The following CD163 variants were observed in gnomAD, a reference collection of about 807,000 sequenced individuals.
CD163 encodes the protein scavenger receptor cysteine-rich type 1 protein M130.
A neutral mutation model predicts 129.2 loss-of-function variants in CD163; 64 were observed. The observed-to-expected ratio is 0.50, with a 90% CI of 0.41 to 0.61. The LOEUF is 0.61. Among genes scored for constraint, CD163 ranks in the 20% least tolerant of loss-of-function variants. CD163 has a pLI of 0.00. For synonymous variants in CD163, 446 were observed against 478.5 expected, an observed-to-expected ratio of 0.93 and a Z score of 0.89; for missense variants, 1,061 against 1,377.9, an observed-to-expected ratio of 0.77 and a Z score of 3.64.
chr12:7,484,992 T>G, intron 11 of CD163, 104 bp downstream of exon 11: 1 of 1,029,918 alleles, frequency 9.7e-7, no homozygotes, highest in South Asian at 1.5e-5. Context: ...AATCTAACAA[T>G]TTAAGCCAGT....
chr12:7,482,830 G>A (rs962889002), intron 13 of CD163, 68 bp from the exon 14 acceptor site: 9 of 1,594,726 alleles, frequency 5.6e-6, no homozygotes, highest in Middle Eastern at 3.3e-4. Flanking sequence ...CCTAGTTACT[G>A]ATTCTCTCTT....
intron 6 of CD163, among the ~76,000 whole-genome samples, chr12:7,490,273 A>T (rs1304630103): frequency 6.6e-6 from 1 of 152,048 alleles, no homozygotes; most frequent in Non-Finnish European, 1.5e-5. Context: ...GAATATGGTC[A>T]CGAAATGCAT....
Position 7,502,518 on chromosome 12 carries a change from C to T in CD163, c.93G>A (p.Val31=). Residue 31 remains valine (V), a synonymous_variant, in exon 2 of 17, where the codon GTG becomes GTA. Coordinates refer to ENST00000432237, the MANE Select transcript of CD163 (RefSeq NM_203416.4). ...FVNLSPFTIT[V]VLLLSACFVT... is the part of the protein sequence containing the mutation. ...CAAAACAGGCACTGAGAAGTAAGAC[C>T]ACAGTAATGGTGAAGGGACTCAAGT... 2 of 1,606,018 alleles carry T rather than the reference C, an allele frequency of 1.2e-6. No homozygotes were observed. Among genetic ancestry groups the T allele is most frequent in the Non-Finnish European group, 1.7e-6 (2 of 1,173,854 alleles).
At chr12:7,494,303 C>T (rs1188184495) in intron 6 of CD163, among the ~76,000 whole-genome samples, 5 of 152,044 alleles carry the variant, frequency 3.3e-5, no homozygotes, top group Non-Finnish European at 5.9e-5. Flanking sequence ...TAAATGATTG[C>T]CTTTTTTCAA....
chr12:7,484,922 C>G (rs1171997000), intron 11 of CD163, among the ~76,000 whole-genome samples, 174 bp downstream of exon 11: 3 of 152,116 alleles, frequency 2.0e-5, no homozygotes, highest in Non-Finnish European at 4.4e-5. Context: ...TAAATAAAAC[C>G]AGTTACACTA....
Position 7,496,877 on chromosome 12 carries a change from A to G in CD163, c.1035T>C (p.Cys345=), listed in dbSNP as rs1211027000. Residue 345 remains cysteine, a synonymous_variant, in exon 5 of 17, where the codon TGT becomes TGC. Coordinates refer to ENST00000432237, the MANE Select transcript of CD163 (RefSeq NM_203416.4). This position sits in a 1 kb window ranked among gnomAD's most constrained non-coding sequence, Gnocchi z 4.8. ...CQGHEPAIWQ[C]KHHEWGKHYC... is the part of the protein sequence containing the mutation. ...AATGCTTTCCCCATTCATGGTGTTT[A>G]CATTGCCAGATAGCAGGTTCATGTC... 8 of 1,614,032 alleles carry G rather than the reference A, an allele frequency of 5.0e-6. No individual in the cohort carries two copies. The East Asian group carries it at 6.7e-5, about 13-fold the overall frequency.
In CD163 at chr12:7,485,997, T is replaced by G. The variant is rs1265337495; in HGVS notation, c.2458+502A>C. On this transcript the variant is annotated intron_variant, in intron 10 of 16. Coordinates refer to ENST00000432237, the MANE Select transcript of CD163 (RefSeq NM_203416.4). The surrounding 1 kb of genome is among the most constrained non-coding windows in gnomAD (Gnocchi z 4.5). ...TAAATTTCAGAATGTTTTCTAAAAC[T>G]CACCATGTATACAAAGCAGTATGAG... Among the ~76,000 whole-genome samples the G allele has an allele frequency of 1.3e-5, 2 of 152,224 alleles. No homozygotes were observed. The highest frequency in any genetic ancestry group is 2.4e-5 in the African/African-American group (1 of 41,464).
rs919570406 is a variant in CD163, at chr12:7,486,667, C to T, written c.2290G>A (p.Glu764Lys). 10 of 1,614,078 alleles carry T rather than the reference C, an allele frequency of 6.2e-6. No homozygotes were observed. Among genetic ancestry groups the T allele is most frequent in the Non-Finnish European group, 7.6e-6 (9 of 1,180,048 alleles). ...HVVCRQLGCG[E>K]AINATGSAHF... Reference sequence around the variant, plus strand: ...GCAGAACCAGTGGCATTAATGGCCTCTCCACAGCCCAGCTGTCTGCAAACC... The same window carrying T: ...GCAGAACCAGTGGCATTAATGGCCTTTCCACAGCCCAGCTGTCTGCAAACC... Residue 764 changes from glutamate (E) to lysine (K), a missense_variant, in exon 10 of 17, where the codon GAG (glutamate) becomes AAG (lysine). Coordinates refer to ENST00000432237, the MANE Select transcript of CD163 (RefSeq NM_203416.4).
chr12:7,477,591 G>A (rs1591992121), intron 16 of CD163, among the ~76,000 whole-genome samples: 1 of 152,052 alleles, frequency 6.6e-6, no homozygotes, highest in Admixed American at 6.6e-5. Flanking sequence ...GCTGCGGGGT[G>A]GGGGCAAGGG....
At chr12:7,480,150 G>A in intron 15 of CD163, 1 of 626,592 alleles carries the variant, frequency 1.6e-6, no homozygotes, top group South Asian at 2.1e-5. Flanking sequence ...TCTTAAATAT[G>A]TTTCCTGACA....
chr12:7,492,895 G>A (rs770977300), intron 6 of CD163, among the ~76,000 whole-genome samples: 136 of 152,234 alleles, frequency 8.9e-4, no homozygotes, highest in Middle Eastern at 3.4e-3. Flanking sequence ...TGAGTCTACC[G>A]GCAAAGACGG....
intron 16 of CD163, among the ~76,000 whole-genome samples, chr12:7,472,852 A>G (rs755294004): frequency 6.6e-6 from 1 of 152,362 alleles, no homozygotes; most frequent in Admixed American, 6.5e-5. Flanking sequence ...ACTGCTAACT[A>G]GAATAACCAG....
At chr12:7,501,049 G>A (rs1949477332) in intron 3 of CD163, 90 bp downstream of exon 3, 3 of 1,060,820 alleles carry the variant, frequency 2.8e-6, no homozygotes, top group Non-Finnish European at 4.2e-6. Flanking sequence ...TTGCTTACAG[G>A]AAAGTGGCTT....
Position 7,487,507 on chromosome 12 carries a change from T to C in CD163, c.1902A>G (p.Gly634=). The C allele has an allele frequency of 8.1e-6, 13 of 1,614,000 alleles. No individual in the cohort carries two copies. Among genetic ancestry groups the C allele is most frequent in the South Asian group, 1.1e-5 (1 of 91,062 alleles). Residue 634 remains glycine, a synonymous_variant, in exon 8 of 17, where the codon GGA becomes GGG. Coordinates refer to ENST00000432237, the MANE Select transcript of CD163 (RefSeq NM_203416.4). The surrounding 1 kb of genome is among the most constrained non-coding windows in gnomAD (Gnocchi z 5.1). ...CATTTCCTTTTCCAAAACGTGCTCCTCCTGGGGTAGAAAGGGCAACTCCAC... is the reference window on the plus strand; with the variant it reads ...CATTTCCTTTTCCAAAACGTGCTCCCCCTGGGGTAGAAAGGGCAACTCCAC... ...LKCGVALSTP[G]GARFGKGNGQ...
In CD163 at chr12:7,483,439, A is replaced by C. The variant is rs748577162; in HGVS notation, c.3016T>G (p.Trp1006Gly). ...CCCCAGCGTCTGGCAGGACAATCCC[A>C]CAAGGAAGACTCATTCCCTTTGCAC... ...VKCKGNESSL[W>G]DCPARRWGHS... is the part of the protein sequence containing the mutation. The change falls in exon 12 of 17, where the codon TGG (tryptophan) becomes GGG (glycine). Residue 1006 changes from tryptophan (W) to glycine (G), a missense_variant. Physicochemically the swap from Trp to Gly is radical, Grantham distance 184. Transcript: ENST00000432237. 6.2e-7 allele frequency: 1 copy of C among 1,614,080 alleles called. No homozygotes were observed. The highest frequency in any genetic ancestry group is 1.7e-5 in the Admixed American group (1 of 60,024).
At chr12:7,483,051 T>C (rs1239990682) in intron 12 of CD163, 47 bp from the exon 13 acceptor site, 2 of 1,577,886 alleles carry the variant, frequency 1.3e-6, no homozygotes, top group Admixed American at 1.7e-5. Context: ...GCATGATATA[T>C]AGAACAAGCC....
At position 7,483,759 on chromosome 12, in the gene CD163, T is replaced by G. The variant is rs145829968; in HGVS notation, c.2780-84A>C. 3.6e-3 allele frequency: 2,498 copies of G among 686,018 alleles called. 62 individuals are homozygous for G. The East Asian group carries it at 0.081, about 22-fold the overall frequency. 42.5% of individuals were successfully genotyped at this position (686,018 alleles called of 1,614,324 possible). On this transcript the variant is annotated intron_variant, in intron 11 of 16. Transcript: ENST00000432237. ...ACAGGTGAAAAGAGAGATTTGAAAC[T>G]TAAAAAAAAAAAAAAACTATTTAAA...
chr12:7,499,334 G>C, intron 3 of CD163, 146 bp from the exon 4 acceptor site: 1 of 621,436 alleles, frequency 1.6e-6, no homozygotes, highest in African/African-American at 1.8e-5. Flanking sequence ...ACACGGTAGA[G>C]AATTTTAATA....
chr12:7,501,020 CT>C, intron 3 of CD163, 118 bp downstream of exon 3: 1 of 832,998 alleles, frequency 1.2e-6, no homozygotes, highest in Non-Finnish European at 1.9e-6. Context: ...GGATGGAGTA[CT>C]TTTATACATG....
Sources: allele counts gnomAD v4.1 joint callset (sites outside exome capture counted in the v4.1 genomes callset), GRCh38; gene constraint gnomAD v4.1.1; non-coding constraint Gnocchi (gnomAD v3.1); transcripts MANE v1.5; gene names NCBI Gene and HGNC (gene_info 2026-07-23, HGNC 2026-07-21).